Variants in ANKRD44 observed in about 807,000 individuals in gnomAD.
ANKRD44 encodes the protein ankyrin repeat domain 44.
Under a neutral mutation model 116.0 loss-of-function variants are expected in ANKRD44, and 35 were observed. The observed-to-expected ratio is 0.30, with a 90% CI of 0.23 to 0.40. The LOEUF (loss-of-function observed/expected upper bound fraction) is 0.40, where lower values mean the gene tolerates loss of function less well. Ranked by LOEUF, ANKRD44 falls within the 10% of genes least tolerant of loss-of-function variation. The pLI, the probability that ANKRD44 is intolerant of heterozygous loss-of-function variation, is 1.00. For synonymous variants in ANKRD44, 435 were observed against 461.8 expected (o/e 0.94, Z 0.74); for missense variants, 1,014 against 1,242.6 (o/e 0.82, Z 2.77).
At chr2:197,233,025 G>T (rs1019508776) in intron 1 of ANKRD44, among the ~76,000 whole-genome samples, 10 of 152,166 alleles carry the variant, frequency 6.6e-5, no homozygotes, top group African/African-American at 9.7e-5. Context: ...GAATAAAACT[G>T]GTAACTGTAC....
intron 1 of ANKRD44, among the ~76,000 whole-genome samples, chr2:197,227,489 AG>A (rs1288099951): frequency 6.6e-6 from 1 of 152,174 alleles, no homozygotes; most frequent in African/African-American, 2.4e-5. Flanking sequence ...ACACGACTGA[AG>A]GTGTGAAAAC....
intron 1 of ANKRD44, among the ~76,000 whole-genome samples, chr2:197,197,367 T>C (rs140144781): frequency 2.0e-4 from 31 of 152,284 alleles, no homozygotes; most frequent in East Asian, 1.2e-3. Context: ...ACCAACCCAG[T>C]GCGTAGCTCC....
At chr2:197,226,051 G>A (rs991140172) in intron 1 of ANKRD44, among the ~76,000 whole-genome samples, 3 of 152,156 alleles carry the variant, frequency 2.0e-5, no homozygotes, top group African/African-American at 4.8e-5. Context: ...CAAATCAATG[G>A]CATAGCTTCA....
intron 16 of ANKRD44, chr2:197,029,428 T>C: frequency 3.1e-6 from 1 of 320,684 alleles, no homozygotes; most frequent in Non-Finnish European, 6.0e-6. Context: ...TTTCAAGATT[T>C]TGCTAAGGTC....
chr2:197,275,187 T>C (rs2083039248), intron 1 of ANKRD44, among the ~76,000 whole-genome samples: 1 of 151,820 alleles, frequency 6.6e-6, no homozygotes, highest in Admixed American at 6.6e-5. Flanking sequence ...TAATCACAGC[T>C]CATTGCAGCC....
intron 2 of ANKRD44, among the ~76,000 whole-genome samples, chr2:197,175,331 G>T (rs17388217): frequency 0.22 from 34,028 of 152,042 alleles, 4,005 homozygotes; most frequent in Middle Eastern, 0.27. Context: ...ACGCATGCCT[G>T]CTCAAACATG....
chr2:197,114,167 T>C (rs557986488), intron 8 of ANKRD44, among the ~76,000 whole-genome samples: 2 of 152,346 alleles, frequency 1.3e-5, no homozygotes, highest in Admixed American at 1.3e-4. Context: ...TGGCTGTTGC[T>C]ACTATTCCTA....
At chr2:197,250,363 C>T (rs1559185677) in intron 1 of ANKRD44, among the ~76,000 whole-genome samples, 2 of 152,184 alleles carry the variant, frequency 1.3e-5, no homozygotes, top group African/African-American at 4.8e-5. Context: ...CCAGAAGACC[C>T]CAGTTGACTT....
At chr2:197,285,924 C>T (rs182304205) in intron 1 of ANKRD44, among the ~76,000 whole-genome samples, 1 of 152,350 alleles carries the variant, frequency 6.6e-6, no homozygotes, top group African/African-American at 2.4e-5. Context: ...GCTAAGTGCC[C>T]AGTGGCAGTA....
intron 17 of ANKRD44, among the ~76,000 whole-genome samples, chr2:197,020,496 G>A (rs1013176295): frequency 2.0e-5 from 3 of 152,110 alleles, no homozygotes; most frequent in Admixed American, 2.0e-4. Context: ...AATGATAGCC[G>A]ATGAGCTTAA....
At position 197,178,427 on chromosome 2, in the gene ANKRD44, T is replaced by G. The variant is rs1314752608; in HGVS notation, c.111+8596A>C. Among the ~76,000 whole-genome samples, 4 of 151,332 alleles carry G rather than the reference T, an allele frequency of 2.6e-5. No individual in the cohort carries two copies. In the East Asian group the frequency reaches 7.8e-4, roughly 29 times the overall value. Reference sequence around the variant, plus strand: ...TCAAGGCTGCAGTGAGCTATGGTCATGCCACTGCACTCCAGCCTGGGAAAC... The same window carrying G: ...TCAAGGCTGCAGTGAGCTATGGTCAGGCCACTGCACTCCAGCCTGGGAAAC... On this transcript the variant is annotated intron_variant, in intron 2 of 27. Transcript: ENST00000282272.
At chr2:197,069,780 C>A (rs1029099898) in intron 16 of ANKRD44, among the ~76,000 whole-genome samples, 1 of 151,956 alleles carries the variant, frequency 6.6e-6, no homozygotes, top group African/African-American at 2.4e-5. Context: ...ATCTTTCATT[C>A]GTCTATGAAA....
At chr2:197,225,667 A>ACATAAAT (rs1308999957) in intron 1 of ANKRD44, among the ~76,000 whole-genome samples, 1 of 152,056 alleles carries the variant, frequency 6.6e-6, no homozygotes, top group Non-Finnish European at 1.5e-5. Flanking sequence ...TTACATTTAA[A>ACATAAAT]CATAAATCAG....
chr2:197,044,706 G>C (rs545684816), intron 16 of ANKRD44, among the ~76,000 whole-genome samples: 1 of 152,070 alleles, frequency 6.6e-6, no homozygotes, highest in Non-Finnish European at 1.5e-5. Context: ...ACATGATCTC[G>C]ATGAATGCCC....
At chr2:197,113,774 G>A (rs986528988) in intron 8 of ANKRD44, among the ~76,000 whole-genome samples, 33 of 152,192 alleles carry the variant, frequency 2.2e-4, no homozygotes, top group African/African-American at 7.7e-4. Flanking sequence ...TAGGTAAAAT[G>A]CAAAGAACAG....
intron 1 of ANKRD44, among the ~76,000 whole-genome samples, chr2:197,253,923 C>A (rs1283256716): frequency 6.6e-6 from 1 of 152,214 alleles, no homozygotes; most frequent in Non-Finnish European, 1.5e-5. Flanking sequence ...ATTCCAGAAA[C>A]ACACTCATAA....
chr2:197,259,078 T>A (rs2082530235), intron 1 of ANKRD44, among the ~76,000 whole-genome samples: 1 of 152,220 alleles, frequency 6.6e-6, no homozygotes, highest in African/African-American at 2.4e-5. Context: ...AGTTTCCTTC[T>A]AGGCTCTTAA....
intron 1 of ANKRD44, among the ~76,000 whole-genome samples, chr2:197,223,020 C>T (rs1364800588): frequency 6.6e-6 from 1 of 151,990 alleles, no homozygotes; most frequent in East Asian, 1.9e-4. Flanking sequence ...ACCATGTTGG[C>T]CAGGCTGGTC....
intron 17 of ANKRD44, among the ~76,000 whole-genome samples, chr2:197,019,566 C>A (rs777549776): frequency 2.6e-5 from 4 of 152,146 alleles, no homozygotes; most frequent in Non-Finnish European, 5.9e-5. Flanking sequence ...TGTGGAGGAG[C>A]TGGGTTTCAA....
Sources: allele counts gnomAD v4.1 joint callset (sites outside exome capture counted in the v4.1 genomes callset), GRCh38; gene constraint gnomAD v4.1.1; transcripts MANE v1.5; gene names NCBI Gene and HGNC (gene_info 2026-07-23, HGNC 2026-07-21).